Variants in FAM120C observed in about 807,000 individuals in gnomAD.
FAM120C encodes the protein family with sequence similarity 120 member C, also known as constitutive coactivator of PPAR-gamma-like protein 2.
FAM120C carries 14 observed loss-of-function variants against 71.2 expected under a neutral mutation model. The observed-to-expected ratio is 0.20, with a 90% CI of 0.13 to 0.31. The LOEUF is 0.31. FAM120C is among the 10% of genes least tolerant of loss of function. The probability of loss-of-function intolerance (pLI) is 1.00; values close to 1 mark genes in which losing one functional copy is unlikely to be tolerated. For missense variants in FAM120C, 500 were observed against 879.0 expected (o/e 0.57, Z 5.45); for synonymous variants, 354 against 353.2 (o/e 1.00, Z -0.03).
intron 9 of FAM120C, among the ~76,000 whole-genome samples, chrX:54,128,416 A>G (rs983896945): frequency 9.1e-6 from 1 of 109,682 alleles, no homozygotes; most frequent in Middle Eastern, 4.8e-3. Flanking sequence ...ATTTTTTCAT[A>G]TATTTGTCGG....
intron 9 of FAM120C, among the ~76,000 whole-genome samples, chrX:54,117,334 CAG>C (rs2066973272): frequency 1.0e-5 from 1 of 96,046 alleles, no homozygotes; most frequent in Non-Finnish European, 2.0e-5. Flanking sequence ...GCCTGGGTGA[CAG>C]AGTGAAATCC....
intron 9 of FAM120C, among the ~76,000 whole-genome samples, chrX:54,131,408 A>G (rs913224037): frequency 2.5e-4 from 28 of 110,060 alleles, no homozygotes; most frequent in African/African-American, 9.3e-4. Flanking sequence ...AGGTGGGACT[A>G]GAGGCACATG....
intron 9 of FAM120C, among the ~76,000 whole-genome samples, chrX:54,131,081 T>C (rs1005486365): frequency 1.3e-4 from 14 of 111,924 alleles, no homozygotes; most frequent in African/African-American, 4.2e-4. Context: ...TAAGGAAAAA[T>C]ACATCTGATC....
At chrX:54,165,682 C>T (rs1452466462) in intron 1 of FAM120C, among the ~76,000 whole-genome samples, 3 of 110,556 alleles carry the variant, frequency 2.7e-5, no homozygotes, top group Non-Finnish European at 5.7e-5. Context: ...GGGGCTAAGG[C>T]AGGAGATTTG....
At chrX:54,124,945 C>G (rs1318784795) in intron 9 of FAM120C, among the ~76,000 whole-genome samples, 1 of 111,754 alleles carries the variant, frequency 8.9e-6, no homozygotes, top group Non-Finnish European at 1.9e-5. Context: ...ATATGTGGTA[C>G]TTGTTCAACT....
At chrX:54,078,886 C>T (rs1400509472) in intron 15 of FAM120C, among the ~76,000 whole-genome samples, 1 of 109,384 alleles carries the variant, frequency 9.1e-6, no homozygotes, top group African/African-American at 3.3e-5. Flanking sequence ...GTTTAAAGGC[C>T]GGGCGCAGTG....
At chrX:54,164,353 C>CT (rs1557134847) in intron 1 of FAM120C, among the ~76,000 whole-genome samples, 1 of 112,354 alleles carries the variant, frequency 8.9e-6, no homozygotes, top group African/African-American at 3.2e-5. Flanking sequence ...TACAACGTAT[C>CT]TCCAGAATTT....
At chrX:54,176,259 C>A (rs1273800694) in intron 1 of FAM120C, among the ~76,000 whole-genome samples, 1 of 110,111 alleles carries the variant, frequency 9.1e-6, no homozygotes, top group Non-Finnish European at 1.9e-5. Context: ...ACGGTGAAAC[C>A]CCGTCTCTAC....
chrX:54,153,603 T>C (rs2067194405), intron 3 of FAM120C, among the ~76,000 whole-genome samples: 1 of 105,995 alleles, frequency 9.4e-6, no homozygotes, highest in African/African-American at 3.4e-5. Flanking sequence ...ACAGTCTTGC[T>C]GTCGCTCAGG....
At position 54,085,579 on chromosome X, in the gene FAM120C, C is replaced by T. The variant is rs782686037; in HGVS notation, c.2839+136G>A. The stretch of plus-strand genomic sequence containing the variant: ...TCCAGCCTGGGCGACAAGAGTGAAA[C>T]TCCGTCTAAAAAAAAAAAAAAGTCA... On this transcript the variant is annotated intron_variant, in intron 13 of 15. Coordinates refer to ENST00000375180, the MANE Select transcript of FAM120C (RefSeq NM_017848.6). 122 of 590,190 alleles carry T rather than the reference C, an allele frequency of 2.1e-4. No homozygotes were observed. The African/African-American group carries it at 2.7e-3, about 13-fold the overall frequency. The allele number at this position is 590,190 out of a possible 1,213,427, so 48.6% of individuals were successfully genotyped here. A position where few individuals can be genotyped will look rare whatever the true frequency, so the allele number is the denominator to read the frequency against.
chrX:54,069,890 A>T lies in FAM120C; in HGVS notation c.*3143T>A, dbSNP rs1167899372. 1 of 111,679 alleles carries T rather than the reference A, an allele frequency of 9.0e-6. No homozygotes were observed. Among genetic ancestry groups the T allele is most frequent in the African/African-American group, 3.3e-5 (1 of 30,716 alleles). The allele number at this position is 111,679 out of a possible 1,213,427, so 9.2% of individuals were successfully genotyped here. Reference sequence around the variant, plus strand: ...ATCCCAAGACACACCAGCAGAAATAAAAAACTGCAAGTCCTTGGGGATCAG... The same window carrying T: ...ATCCCAAGACACACCAGCAGAAATATAAAACTGCAAGTCCTTGGGGATCAG... On this transcript the variant is annotated 3_prime_UTR_variant, in exon 16 of 16. Transcript: ENST00000375180.
intron 10 of FAM120C, among the ~76,000 whole-genome samples, chrX:54,109,178 T>TCAG (rs2066922202): frequency 2.5e-5 from 1 of 39,387 alleles, no homozygotes; most frequent in African/African-American, 1.1e-4. Context: ...ATGAGCGTGA[T>TCAG]CAGCCCCTTT....
At chrX:54,100,924 G>A (rs1217082254) in intron 10 of FAM120C, among the ~76,000 whole-genome samples, 1 of 111,048 alleles carries the variant, frequency 9.0e-6, no homozygotes, top group Non-Finnish European at 1.9e-5. Context: ...GGGACTCAGT[G>A]GCAGTCCTGT....
intron 4 of FAM120C, among the ~76,000 whole-genome samples, chrX:54,139,502 G>A (rs782429236): frequency 3.7e-4 from 40 of 108,802 alleles, no homozygotes; most frequent in South Asian, 1.2e-3. Context: ...ACCATGCCCA[G>A]CTAATTTTTT....
At chrX:54,086,479 C>T (rs958992450) in intron 12 of FAM120C, among the ~76,000 whole-genome samples, 2 of 111,609 alleles carry the variant, frequency 1.8e-5, no homozygotes, top group Admixed American at 1.9e-4. Context: ...ATAGGCCAGG[C>T]GTGGTGGCTC....
At chrX:54,079,441 CGA>C (rs201642298) in intron 15 of FAM120C, among the ~76,000 whole-genome samples, 86 of 99,979 alleles carry the variant, frequency 8.6e-4, no homozygotes, top group Admixed American at 1.2e-3. Flanking sequence ...GAGACCCTGT[CGA>C]GAGAGAGAGA....
chrX:54,148,810 A>G (rs1394384066), intron 4 of FAM120C, among the ~76,000 whole-genome samples: 2 of 112,187 alleles, frequency 1.8e-5, no homozygotes, highest in Non-Finnish European at 3.8e-5. Flanking sequence ...AATTACTAAA[A>G]GAGTAGATTT....
chrX:54,162,454 T>A (rs1315553494), intron 1 of FAM120C, among the ~76,000 whole-genome samples: 4 of 111,988 alleles, frequency 3.6e-5, no homozygotes, highest in African/African-American at 6.5e-5. Flanking sequence ...CAGAACTAAT[T>A]TGACAATACC....
At chrX:54,111,865 A>G (rs1277151447) in intron 10 of FAM120C, among the ~76,000 whole-genome samples, 1 of 112,132 alleles carries the variant, frequency 8.9e-6, no homozygotes, top group Non-Finnish European at 1.9e-5. Flanking sequence ...CGGAGGCGTC[A>G]CATTACCTGA....
Sources: allele counts gnomAD v4.1 joint callset (sites outside exome capture counted in the v4.1 genomes callset), GRCh38; gene constraint gnomAD v4.1.1; transcripts MANE v1.5; gene names NCBI Gene and HGNC (gene_info 2026-07-23, HGNC 2026-07-21).